The following PPP6R2 variants were observed in gnomAD, a reference collection of about 807,000 sequenced individuals.
PPP6R2 encodes serine/threonine-protein phosphatase 6 regulatory subunit 2.
Under a neutral mutation model 100.2 loss-of-function variants are expected in PPP6R2, and 62 were observed. The ratio of observed to expected loss-of-function variants is 0.62; its 90% CI spans 0.50 to 0.76. PPP6R2 has a LOEUF of 0.76. Ranked by LOEUF, PPP6R2 falls within the 30% of genes least tolerant of loss-of-function variation. The probability of loss-of-function intolerance (pLI) is 0.00; values close to 1 mark genes in which losing one functional copy is unlikely to be tolerated. For synonymous variants in PPP6R2, 525 were observed against 514.7 expected (o/e 1.02, Z -0.27); for missense variants, 1,142 against 1,276.3 (o/e 0.89, Z 1.60).
At chr22:50,360,274 A>T (rs1186089580) in intron 1 of PPP6R2, among the ~76,000 whole-genome samples, 1 of 149,490 alleles carries the variant, frequency 6.7e-6, no homozygotes, top group Admixed American at 6.7e-5. Context: ...GATGGTCTTG[A>T]TCTCTTGACC....
intron 4 of PPP6R2, among the ~76,000 whole-genome samples, chr22:50,410,866 C>T (rs2059647796): frequency 6.6e-6 from 1 of 152,170 alleles, no homozygotes; most frequent in African/African-American, 2.4e-5. Context: ...AATCTCGGCT[C>T]ACTGCAACCT....
At chr22:50,332,813 G>A in the PPP6R2 span, among the ~76,000 whole-genome samples, 12 of 151,662 alleles carry the variant, frequency 7.9e-5, no homozygotes, top group African/African-American at 1.9e-4. Context: ...TAGTAGAGAC[G>A]GGGTTTCACC....
At chr22:50,359,045 G>A (rs1447836235) in intron 1 of PPP6R2, among the ~76,000 whole-genome samples, 1 of 124,430 alleles carries the variant, frequency 8.0e-6, no homozygotes, top group Admixed American at 1.1e-4. Flanking sequence ...CTATTGCCAG[G>A]CTGGAGTTCA....
At chr22:50,363,958 A>G (rs2048266553) in intron 1 of PPP6R2, among the ~76,000 whole-genome samples, 1 of 150,526 alleles carries the variant, frequency 6.6e-6, no homozygotes. Context: ...ACAGTGGCGC[A>G]ATCTCGGCCC....
intron 1 of PPP6R2, among the ~76,000 whole-genome samples, chr22:50,367,370 C>G (rs1602411829): frequency 6.6e-6 from 1 of 152,138 alleles, no homozygotes; most frequent in East Asian, 1.9e-4. Context: ...CGATTGAAGT[C>G]TGCCCTCCTG....
chr22:50,345,635 T>C (rs1374206969), intron 1 of PPP6R2, among the ~76,000 whole-genome samples: 1 of 330 alleles, frequency 3.0e-3, no homozygotes, highest in Non-Finnish European at 5.1e-3. Context: ...CAGTGCCCCC[T>C]CCAGTCAGTT....
rs1170696030 is a variant in PPP6R2, at chr22:50,372,064, A to C, written c.-103A>C. On this transcript the variant is annotated 5_prime_UTR_variant, in exon 2 of 24. Coordinates refer to ENST00000612753, the MANE Select transcript of PPP6R2 (RefSeq NM_001242898.2). ...TCCACTGAATGAAAAAAATTTTCTT[A>C]AAGCTGCATATACTCCAAGAAAAAA... is the stretch of plus-strand genomic sequence containing the variant. The C allele has an allele frequency of 6.6e-6, 1 of 152,202 alleles. No individual in the cohort carries two copies. The highest frequency in any genetic ancestry group is 1.5e-5 in the Non-Finnish European group (1 of 68,032). The allele number at this position is 152,202 out of a possible 1,614,324, so 9.4% of individuals were successfully genotyped here. A position where few individuals can be genotyped will look rare whatever the true frequency, so the allele number is the denominator to read the frequency against.
intron 3 of PPP6R2, among the ~76,000 whole-genome samples, chr22:50,402,764 A>G (rs1569421462): frequency 6.6e-6 from 1 of 152,216 alleles, no homozygotes; most frequent in Non-Finnish European, 1.5e-5. Flanking sequence ...CCTTGTATAC[A>G]TTTTTAAAAC....
intron 4 of PPP6R2, among the ~76,000 whole-genome samples, chr22:50,413,286 A>C (rs2060031854): frequency 6.6e-6 from 1 of 151,960 alleles, no homozygotes; most frequent in South Asian, 2.1e-4. Flanking sequence ...TTTTCAAGGA[A>C]ATTTCTTTTC....
intron 4 of PPP6R2, among the ~76,000 whole-genome samples, chr22:50,410,469 CTTTTTTTTTT>C (rs200178930): frequency 9.7e-6 from 1 of 103,342 alleles, no homozygotes; most frequent in Non-Finnish European, 2.0e-5. Flanking sequence ...TGAGTGGTGT[CTTTTTTTTTT>C]TTTTTTTTTT....
intron 13 of PPP6R2, among the ~76,000 whole-genome samples, chr22:50,435,711 G>A (rs776420156): frequency 1.3e-5 from 2 of 152,162 alleles, no homozygotes; most frequent in Non-Finnish European, 2.9e-5. Context: ...AGCCCCTGGC[G>A]AGGTCAGGCC....
intron 3 of PPP6R2, among the ~76,000 whole-genome samples, chr22:50,399,289 C>G (rs2057646983): frequency 6.6e-6 from 1 of 152,212 alleles, no homozygotes; most frequent in South Asian, 2.1e-4. Context: ...AGAGTAAATA[C>G]TTTAGGCTTT....
intron 3 of PPP6R2, among the ~76,000 whole-genome samples, chr22:50,395,819 G>A (rs535496672): frequency 6.8e-4 from 101 of 149,600 alleles, no homozygotes; most frequent in African/African-American, 2.3e-3. Context: ...CACCCACCTC[G>A]GCCTCCCAAA....
intron 10 of PPP6R2, among the ~76,000 whole-genome samples, chr22:50,427,819 C>T (rs532095233): frequency 6.6e-6 from 1 of 152,342 alleles, no homozygotes; most frequent in South Asian, 2.1e-4. Flanking sequence ...CCCCCAGGTT[C>T]ACGCCATTCT....
chr22:50,426,962 G>A (rs2062246801), intron 10 of PPP6R2, among the ~76,000 whole-genome samples: 1 of 152,056 alleles, frequency 6.6e-6, no homozygotes, highest in African/African-American at 2.4e-5. Context: ...GCTGAGGTGG[G>A]TGGATCATGA....
intron 3 of PPP6R2, among the ~76,000 whole-genome samples, chr22:50,397,478 C>T (rs572865606): frequency 3.3e-5 from 5 of 151,876 alleles, no homozygotes; most frequent in Non-Finnish European, 7.4e-5. Flanking sequence ...TGGAGGTTAA[C>T]GTTGGAGAAA....
intron 2 of PPP6R2, among the ~76,000 whole-genome samples, chr22:50,382,416 G>T (rs936542468): frequency 1.5e-4 from 22 of 151,498 alleles, no homozygotes; most frequent in African/African-American, 5.3e-4. Flanking sequence ...GACTAACATG[G>T]TGAAACCCCG....
At chr22:50,359,852 G>A (rs904216480) in intron 1 of PPP6R2, among the ~76,000 whole-genome samples, 2 of 152,058 alleles carry the variant, frequency 1.3e-5, no homozygotes, top group African/African-American at 2.4e-5. Flanking sequence ...AGAATGAGTT[G>A]GGAAATTCTT....
intron 13 of PPP6R2, 152 bp downstream of exon 13, chr22:50,435,233 T>C: frequency 1.7e-6 from 1 of 585,162 alleles, no homozygotes; most frequent in South Asian, 2.4e-5. Flanking sequence ...ACTTCACACA[T>C]CACATCTCTC....
Sources: allele counts gnomAD v4.1 joint callset (sites outside exome capture counted in the v4.1 genomes callset), GRCh38; gene constraint gnomAD v4.1.1; transcripts MANE v1.5; gene names NCBI Gene and HGNC (gene_info 2026-07-23, HGNC 2026-07-21).